The following RORA variants were observed in gnomAD, a reference collection of about 807,000 sequenced individuals.
RORA encodes RAR related orphan receptor A, also known as nuclear receptor ROR-alpha.
Under a neutral mutation model 69.5 loss-of-function variants are expected in RORA, and 7 were observed. The observed-to-expected ratio is 0.10, with a 90% CI of 0.06 to 0.19. The LOEUF is 0.19. Ranked by LOEUF, RORA falls within the 10% of genes least tolerant of loss-of-function variation. RORA has a pLI of 1.00. For synonymous variants in RORA, 261 were observed against 240.8 expected, an observed-to-expected ratio of 1.08 and a Z score of -0.78; for missense variants, 457 against 663.0, an observed-to-expected ratio of 0.69 and a Z score of 3.41.
chr15:60,819,277 T>C (rs2072856655), intron 1 of RORA, among the ~76,000 whole-genome samples: 1 of 152,224 alleles, frequency 6.6e-6, no homozygotes. Flanking sequence ...TGTTGAACTT[T>C]TCATGAAACC....
chr15:60,642,701 G>A (rs1433146406), intron 2 of RORA, among the ~76,000 whole-genome samples: 1 of 151,968 alleles, frequency 6.6e-6, no homozygotes, highest in East Asian at 1.9e-4. Context: ...GACCAGCCTA[G>A]GCAACAAAAA....
intron 1 of RORA, among the ~76,000 whole-genome samples, chr15:60,747,349 T>C (rs1055185215): frequency 1.3e-5 from 2 of 152,172 alleles, no homozygotes; most frequent in Non-Finnish European, 2.9e-5. Flanking sequence ...GAACACTGCC[T>C]GAGAGATGGG....
intron 1 of RORA, among the ~76,000 whole-genome samples, chr15:60,795,443 G>A (rs78926564): frequency 0.019 from 2,904 of 152,326 alleles, 37 homozygotes; most frequent in Non-Finnish European, 0.028. Context: ...AACCCCGGGA[G>A]AGTATTTTTG....
chr15:61,016,686 C>T (rs1301478282), intron 1 of RORA, among the ~76,000 whole-genome samples: 1 of 152,058 alleles, frequency 6.6e-6, no homozygotes, highest in Non-Finnish European at 1.5e-5. Context: ...GAGAATCTGC[C>T]CGGAGGTTTC....
chr15:61,180,773 C>G (rs942691803), intron 1 of RORA, among the ~76,000 whole-genome samples: 1 of 152,188 alleles, frequency 6.6e-6, no homozygotes, highest in Non-Finnish European at 1.5e-5. Context: ...GCACCTAGCA[C>G]ACTGCCAAAC....
chr15:60,948,602 G>A (rs1892977511), intron 1 of RORA, among the ~76,000 whole-genome samples: 1 of 152,166 alleles, frequency 6.6e-6, no homozygotes, highest in South Asian at 2.1e-4. Flanking sequence ...TGACCCTACT[G>A]TGACAAGTAC....
intron 2 of RORA, among the ~76,000 whole-genome samples, chr15:60,588,285 C>G (rs992032233): frequency 2.6e-5 from 4 of 152,182 alleles, no homozygotes; most frequent in Non-Finnish European, 5.9e-5. Context: ...GCCTTGATTT[C>G]TTACTAATAA....
intron 1 of RORA, among the ~76,000 whole-genome samples, chr15:61,186,100 A>G (rs2079738723): frequency 6.6e-6 from 1 of 152,238 alleles, no homozygotes; most frequent in African/African-American, 2.4e-5. Flanking sequence ...TTTGTCTGCA[A>G]AATACAATCT....
intron 1 of RORA, among the ~76,000 whole-genome samples, chr15:61,015,603 G>A (rs1248754708): frequency 6.6e-6 from 1 of 152,136 alleles, no homozygotes; most frequent in Non-Finnish European, 1.5e-5. Context: ...AGAAGCGTAG[G>A]TGCTCATCTG....
intron 1 of RORA, among the ~76,000 whole-genome samples, chr15:60,707,957 A>T (rs2071087147): frequency 6.6e-6 from 1 of 152,174 alleles, no homozygotes; most frequent in East Asian, 1.9e-4. Flanking sequence ...ATTTGTATAG[A>T]ACACATTGTA....
intron 1 of RORA, among the ~76,000 whole-genome samples, chr15:60,802,587 T>C (rs1848142437): frequency 6.6e-6 from 1 of 152,202 alleles, no homozygotes; most frequent in South Asian, 2.1e-4. Context: ...TGTGTTTATG[T>C]GCGTGTATGT....
intron 1 of RORA, among the ~76,000 whole-genome samples, chr15:60,800,273 C>A (rs1415467569): frequency 1.3e-5 from 2 of 152,188 alleles, no homozygotes; most frequent in African/African-American, 4.8e-5. Context: ...ACACGCTGTT[C>A]CACTTAATTC....
chr15:61,136,185 C>A (rs897771215), intron 1 of RORA, among the ~76,000 whole-genome samples: 1 of 152,104 alleles, frequency 6.6e-6, no homozygotes, highest in African/African-American at 2.4e-5. Flanking sequence ...CCTCCCCCAC[C>A]CAAATATTAC....
At chr15:60,996,959 T>G (rs1241745329) in intron 1 of RORA, among the ~76,000 whole-genome samples, 2 of 151,830 alleles carry the variant, frequency 1.3e-5, no homozygotes, top group African/African-American at 2.4e-5. Context: ...TTTTACACCA[T>G]CCTCAAATAC....
In RORA at chr15:60,531,716, A is replaced by T. The variant is rs751985855; in HGVS notation, c.282+50T>A. On this transcript the variant is annotated intron_variant, in intron 3 of 10. Transcript: ENST00000335670. The surrounding 1 kb of genome is among the most constrained non-coding windows in gnomAD (Gnocchi z 4.8). ...AAGTGGAGACATACAAATCACAAAG[A>T]TATATTCTAACAAACATTAATAGAA... 1 of 1,017,380 alleles carries T rather than the reference A, an allele frequency of 9.8e-7. No individual in the cohort carries two copies. The highest frequency in any genetic ancestry group is 1.5e-5 in the South Asian group (1 of 66,404). 63.0% of individuals were successfully genotyped at this position (1,017,380 alleles called of 1,614,324 possible). A position where few individuals can be genotyped will look rare whatever the true frequency, so the allele number is the denominator to read the frequency against.
At chr15:60,522,263 T>C (rs2066194389) in intron 3 of RORA, among the ~76,000 whole-genome samples, 1 of 152,198 alleles carries the variant, frequency 6.6e-6, no homozygotes, top group East Asian at 1.9e-4. Flanking sequence ...GGAAATACTA[T>C]ACCATGCTGT....
intron 2 of RORA, among the ~76,000 whole-genome samples, chr15:60,612,983 ATT>A (rs1300842839): frequency 7.0e-6 from 1 of 142,820 alleles, no homozygotes. Flanking sequence ...AGGAAACTGT[ATT>A]TTTTTTTTTA....
intron 1 of RORA, among the ~76,000 whole-genome samples, chr15:60,902,643 T>C (rs928985583): frequency 1.3e-5 from 2 of 152,130 alleles, no homozygotes; most frequent in Non-Finnish European, 2.9e-5. Context: ...TAAGGTGAGG[T>C]ACAGTGAGGC....
At chr15:60,817,391 G>T (rs774725738) in intron 1 of RORA, among the ~76,000 whole-genome samples, 18 of 152,196 alleles carry the variant, frequency 1.2e-4, no homozygotes, top group Non-Finnish European at 1.9e-4. Flanking sequence ...TGGAAAAATG[G>T]TGCTGACAGA....
Sources: allele counts gnomAD v4.1 joint callset (sites outside exome capture counted in the v4.1 genomes callset), GRCh38; gene constraint gnomAD v4.1.1; non-coding constraint Gnocchi (gnomAD v3.1); transcripts MANE v1.5; gene names NCBI Gene and HGNC (gene_info 2026-07-23, HGNC 2026-07-21).